Variants in PARD6G observed in about 807,000 individuals in gnomAD.
PARD6G encodes the protein partitioning defective 6 homolog gamma.
Under a neutral mutation model 10.7 loss-of-function variants are expected in PARD6G, and 7 were observed. The ratio of observed to expected loss-of-function variants is 0.66; its 90% confidence interval spans 0.37 to 1.23. PARD6G has a LOEUF of 1.23. Among genes scored for constraint, PARD6G ranks in the 50% most tolerant of loss-of-function variants. The pLI, the probability that PARD6G is intolerant of heterozygous loss-of-function variation, is 0.02. For missense variants in PARD6G, 548 were observed against 571.8 expected, an observed-to-expected ratio of 0.96 and a Z score of 0.42; for synonymous variants, 287 against 269.4, an observed-to-expected ratio of 1.07 and a Z score of -0.64.
Position 80,158,359 on chromosome 18 carries a change from G to C in PARD6G, c.*1412C>G, listed in dbSNP as rs1330440243. 6.6e-6 allele frequency: 1 copy of C among 152,220 alleles called. No individual in the cohort carries two copies. Among genetic ancestry groups the C allele is most frequent in the African/African-American group, 2.4e-5 (1 of 41,450 alleles). 9.4% of individuals were successfully genotyped at this position (152,220 alleles called of 1,614,324 possible). On this transcript the variant is annotated 3_prime_UTR_variant, in exon 3 of 3. Coordinates refer to ENST00000353265, the MANE Select transcript of PARD6G (RefSeq NM_032510.4). The stretch of plus-strand genomic sequence containing the variant: ...AAAGACATTGCTGGACATGTGCGAT[G>C]CTTATCCTTCATTTCTGCTGAAAAC...
In PARD6G at chr18:80,201,018, C is replaced by A. The variant is rs1206500896; in HGVS notation, c.295+1692G>T. 6.6e-6 allele frequency among the ~76,000 whole-genome samples: 1 copy of A among 152,194 alleles called. No homozygotes were observed. The highest frequency in any genetic ancestry group is 2.4e-5 in the African/African-American group (1 of 41,452). On this transcript the variant is annotated intron_variant, in intron 2 of 2. Coordinates refer to ENST00000353265, the MANE Select transcript of PARD6G (RefSeq NM_032510.4). The surrounding 1 kb of genome is among the most constrained non-coding windows in gnomAD (Gnocchi z 5.9). ...TTTACACACCTTCTTCACACCATTG[C>A]TCACCCCACACCATGTGAGCAAATG...
At chr18:80,224,594 T>A (rs1045349454) in intron 1 of PARD6G, among the ~76,000 whole-genome samples, 2 of 152,178 alleles carry the variant, frequency 1.3e-5, no homozygotes, top group Non-Finnish European at 2.9e-5. Flanking sequence ...ACGCCTGTAA[T>A]CCCAGCACTT....
chr18:80,242,969 A>T (rs117814140), intron 1 of PARD6G, among the ~76,000 whole-genome samples: 2,080 of 152,308 alleles, frequency 0.014, 27 homozygotes, highest in Non-Finnish European at 0.024. Flanking sequence ...ATAAATTGGT[A>T]AAATAAACTT....
chr18:80,163,883 A>G (rs996519089), intron 2 of PARD6G, among the ~76,000 whole-genome samples: 1 of 152,158 alleles, frequency 6.6e-6, no homozygotes, highest in African/African-American at 2.4e-5. Flanking sequence ...CAAATATAAG[A>G]TGACGCAGGA....
At chr18:80,205,948 A>C (rs1477577212) in intron 1 of PARD6G, among the ~76,000 whole-genome samples, 1 of 152,248 alleles carries the variant, frequency 6.6e-6, no homozygotes, top group African/African-American at 2.4e-5. Context: ...TTCTCACTTC[A>C]GTATCACCGC....
rs142315873 is a variant in PARD6G at position 80,175,575 on chromosome 18, C to T, written c.296-14969G>A. 1.3e-5 allele frequency among the ~76,000 whole-genome samples: 2 copies of T among 152,356 alleles called. No homozygotes were observed. The highest frequency in any genetic ancestry group is 3.9e-4 in the East Asian group (2 of 5,186). ...GTCAGACTGAGGGCTAGGACTTCGA[C>T]ATCAGAACCTGGGGTGACGTATCGA... On this transcript the variant is annotated intron_variant, in intron 2 of 2. Coordinates refer to ENST00000353265, the MANE Select transcript of PARD6G (RefSeq NM_032510.4). This position sits in a 1 kb window ranked among gnomAD's most constrained non-coding sequence, Gnocchi z 6.7.
intron 1 of PARD6G, among the ~76,000 whole-genome samples, chr18:80,245,974 C>T (rs1967540433): frequency 6.6e-6 from 1 of 152,056 alleles, no homozygotes; most frequent in African/African-American, 2.4e-5. Context: ...GCTGGAGAGG[C>T]GGCCATGCTG....
At chr18:80,227,316 A>G (rs940450894) in intron 1 of PARD6G, among the ~76,000 whole-genome samples, 7 of 152,158 alleles carry the variant, frequency 4.6e-5, no homozygotes, top group Non-Finnish European at 1.0e-4. Context: ...AATGTCACAA[A>G]ACAGAAAGAC....
At chr18:80,205,865 G>A (rs550877509) in intron 1 of PARD6G, among the ~76,000 whole-genome samples, 19 of 152,132 alleles carry the variant, frequency 1.2e-4, no homozygotes, top group Non-Finnish European at 1.8e-4. Flanking sequence ...TATGGCTTTC[G>A]TTTAACTGAA....
chr18:80,247,407 TC>T lies in PARD6G; in HGVS notation c.-60del. ...CGCTCCTCAGGGGCCGCAGAAAGAC[TC>T]CCGGGGGCGGCGCCCCCAGGCCCCG... On this transcript the variant is annotated 5_prime_UTR_variant, in exon 1 of 3. Transcript: ENST00000353265. This position sits in a 1 kb window ranked among gnomAD's most constrained non-coding sequence, Gnocchi z 4.2. The T allele has an allele frequency of 7.1e-7, 1 of 1,404,818 alleles. No individual in the cohort carries two copies. The highest frequency in any genetic ancestry group is 9.6e-7 in the Non-Finnish European group (1 of 1,045,116). The allele number at this position is 1,404,818 out of a possible 1,614,324, so 87.0% of individuals were successfully genotyped here.
chr18:80,202,684 A>T (rs1405411598), intron 2 of PARD6G, 26 bp downstream of exon 2: 2 of 1,585,126 alleles, frequency 1.3e-6, no homozygotes, highest in East Asian at 2.2e-5. Context: ...CAACAAGACC[A>T]GCCGGCCACT....
Position 80,231,934 on chromosome 18 carries a change from T to C in PARD6G, c.72+15343A>G, listed in dbSNP as rs1368358822. On this transcript the variant is annotated intron_variant, in intron 1 of 2. Transcript: ENST00000353265. This position sits in a 1 kb window ranked among gnomAD's most constrained non-coding sequence, Gnocchi z 4.2. ...TAGTAAGCCTGTTTTGGGCTCACAC[T>C]GTGGGCCTGAGCTGCTGGCAGATTC... is the stretch of plus-strand genomic sequence containing the variant. Among the ~76,000 whole-genome samples the C allele has an allele frequency of 1.3e-5, 2 of 152,206 alleles. No homozygotes were observed. Among genetic ancestry groups the C allele is most frequent in the Non-Finnish European group, 2.9e-5 (2 of 68,046 alleles).
At chr18:80,222,374 C>G (rs1050139853) in intron 1 of PARD6G, among the ~76,000 whole-genome samples, 1 of 152,140 alleles carries the variant, frequency 6.6e-6, no homozygotes, top group Non-Finnish European at 1.5e-5. Flanking sequence ...TAAGCATGAG[C>G]CATGGCACCC....
chr18:80,177,247 G>A (rs1483864510), intron 2 of PARD6G, among the ~76,000 whole-genome samples: 6 of 36,820 alleles, frequency 1.6e-4, no homozygotes, highest in Admixed American at 3.3e-4. Context: ...CACACACACA[G>A]TACAAATCAC....
rs751285652 is a variant in PARD6G, at chr18:80,202,692, A to G, written c.295+18T>C. 2 of 1,602,844 alleles carry G rather than the reference A, an allele frequency of 1.2e-6. No homozygotes were observed. The highest frequency in any genetic ancestry group is 1.7e-6 in the Non-Finnish European group (2 of 1,171,590). On this transcript the variant is annotated intron_variant, in intron 2 of 2. Transcript: ENST00000353265. Reference sequence around the variant, plus strand: ...GATTTCTCAACAAGACCAGCCGGCCACTCAACCACTTCAGTACCTCGTTTC... The same window carrying G: ...GATTTCTCAACAAGACCAGCCGGCCGCTCAACCACTTCAGTACCTCGTTTC...
rs1245899009 is a variant in PARD6G at position 80,182,073 on chromosome 18, G to C, written c.295+20637C>G. ...AGAAAGCAGGGAAGCAACACAGCTG[G>C]GTAGGGCCCAGCAGAGTCTCACCCC... On this transcript the variant is annotated intron_variant, in intron 2 of 2. Transcript: ENST00000353265. This position sits in a 1 kb window ranked among gnomAD's most constrained non-coding sequence, Gnocchi z 4.5. Among the ~76,000 whole-genome samples the C allele has an allele frequency of 6.6e-6, 1 of 152,172 alleles. No homozygotes were observed. The highest frequency in any genetic ancestry group is 1.5e-5 in the Non-Finnish European group (1 of 68,038).
intron 1 of PARD6G, among the ~76,000 whole-genome samples, chr18:80,217,960 A>C (rs1967188087): frequency 6.6e-6 from 1 of 152,046 alleles, no homozygotes; most frequent in Admixed American, 6.5e-5. Context: ...AAACCATCAA[A>C]CTCATGAGAA....
chr18:80,201,609 T>G lies in PARD6G; in HGVS notation c.295+1101A>C, dbSNP rs1264672651. The stretch of plus-strand genomic sequence containing the variant: ...CTGATCTTGTGCCAGAGAATCTGTC[T>G]GAAGTGAGGTCAACGAGTCTCCTGC... On this transcript the variant is annotated intron_variant, in intron 2 of 2. Coordinates refer to ENST00000353265, the MANE Select transcript of PARD6G (RefSeq NM_032510.4). The surrounding 1 kb of genome is among the most constrained non-coding windows in gnomAD (Gnocchi z 5.9). Among the ~76,000 whole-genome samples the G allele has an allele frequency of 6.6e-6, 1 of 152,222 alleles. No homozygotes were observed. Among genetic ancestry groups the G allele is most frequent in the Non-Finnish European group, 1.5e-5 (1 of 68,032 alleles).
intron 2 of PARD6G, among the ~76,000 whole-genome samples, chr18:80,194,021 G>T (rs1382546360): frequency 6.6e-6 from 1 of 152,198 alleles, no homozygotes; most frequent in African/African-American, 2.4e-5. Context: ...AACAGGAAAA[G>T]AAACTGCTGT....
Sources: gnomAD v4.1 joint callset for allele counts (sites outside exome capture counted in the v4.1 genomes callset) on GRCh38, gnomAD v4.1.1 for gene constraint, Gnocchi (gnomAD v3.1) non-coding constraint, MANE v1.5 for transcripts, NCBI Gene and HGNC (gene_info 2026-07-23, HGNC 2026-07-21) for gene names.